Variants in CSMD1 observed in about 807,000 individuals in gnomAD.
CSMD1 encodes CUB and Sushi multiple domains 1.
In CSMD1, 213 loss-of-function variants were observed where a neutral mutation model predicts 417.5. That is an observed-to-expected ratio of 0.51 (90% CI 0.46 to 0.57). The LOEUF (loss-of-function observed/expected upper bound fraction) is 0.57. CSMD1 is among the 20% of genes least tolerant of loss of function. CSMD1 has a pLI of 0.00. For synonymous variants in CSMD1, 2,862 were observed against 1,736.8 expected (o/e 1.65, Z -16.11); for missense variants, 6,923 against 4,529.7 (o/e 1.53, Z -15.17).
chr8:4,988,367 G>C (rs1031221426), intron 1 of CSMD1, among the ~76,000 whole-genome samples: 1 of 152,144 alleles, frequency 6.6e-6, no homozygotes, highest in Non-Finnish European at 1.5e-5. Context: ...CTTTTACCAA[G>C]CTAAAACTAG....
intron 10 of CSMD1, among the ~76,000 whole-genome samples, chr8:3,538,505 C>G (rs916454981): frequency 6.6e-6 from 1 of 152,200 alleles, no homozygotes. Flanking sequence ...TGCGATGCCT[C>G]ACCTGAGATG....
chr8:4,257,617 T>C (rs1423612963), intron 3 of CSMD1, among the ~76,000 whole-genome samples: 1 of 152,196 alleles, frequency 6.6e-6, no homozygotes. Context: ...TGGTGAAAAG[T>C]TTGTCCTACT....
At chr8:4,727,705 G>C (rs897755297) in intron 1 of CSMD1, among the ~76,000 whole-genome samples, 2 of 151,944 alleles carry the variant, frequency 1.3e-5, no homozygotes, top group Non-Finnish European at 2.9e-5. Context: ...GCAAATTCCT[G>C]TGTTCTGCCA....
intron 1 of CSMD1, among the ~76,000 whole-genome samples, chr8:4,801,979 A>G (rs1295056205): frequency 3.3e-5 from 5 of 152,176 alleles, no homozygotes; most frequent in Non-Finnish European, 7.3e-5. Context: ...TACTGCATCC[A>G]TCATTGAAGC....
intron 2 of CSMD1, among the ~76,000 whole-genome samples, chr8:4,447,211 T>C (rs1490291697): frequency 6.6e-6 from 1 of 152,224 alleles, no homozygotes; most frequent in African/African-American, 2.4e-5. Flanking sequence ...GGAAAACAAA[T>C]ATACATGACA....
intron 18 of CSMD1, among the ~76,000 whole-genome samples, chr8:3,383,755 A>G (rs1177388931): frequency 1.3e-5 from 2 of 152,200 alleles, no homozygotes; most frequent in Non-Finnish European, 2.9e-5. Flanking sequence ...GGAAGCAAAG[A>G]AAGAGATGCT....
intron 1 of CSMD1, among the ~76,000 whole-genome samples, chr8:4,671,007 G>A (rs1162730885): frequency 1.3e-5 from 2 of 152,186 alleles, no homozygotes; most frequent in Non-Finnish European, 2.9e-5. Flanking sequence ...CCTTAAGCTT[G>A]CCTACATTGG....
chr8:3,991,666 G>C (rs1814761258), intron 5 of CSMD1, among the ~76,000 whole-genome samples: 1 of 152,160 alleles, frequency 6.6e-6, no homozygotes, highest in Admixed American at 6.5e-5. Context: ...TAAGGCAGAA[G>C]GTTGCTGAAG....
intron 1 of CSMD1, among the ~76,000 whole-genome samples, chr8:4,745,617 A>C (rs1273369255): frequency 1.3e-5 from 2 of 152,084 alleles, no homozygotes; most frequent in African/African-American, 4.8e-5. Context: ...AGGGAGAAGT[A>C]GAATGTAGAG....
intron 1 of CSMD1, among the ~76,000 whole-genome samples, chr8:4,755,324 C>A (rs1185655172): frequency 1.3e-5 from 2 of 152,262 alleles, no homozygotes; most frequent in Admixed American, 6.5e-5. Context: ...ATCTTATGTT[C>A]ACTTTTCCTT....
intron 5 of CSMD1, among the ~76,000 whole-genome samples, chr8:3,758,122 C>A (rs968415833): frequency 3.9e-5 from 6 of 152,056 alleles, no homozygotes; most frequent in African/African-American, 1.4e-4. Flanking sequence ...GGCCACCACA[C>A]CTGGCTAATT....
chr8:3,882,418 G>T (rs558552667), intron 5 of CSMD1, among the ~76,000 whole-genome samples: 1 of 152,148 alleles, frequency 6.6e-6, no homozygotes, highest in Non-Finnish European at 1.5e-5. Context: ...CCAAATGTTG[G>T]TTATGTGGAG....
At chr8:3,129,322 C>T (rs1266767731) in intron 41 of CSMD1, among the ~76,000 whole-genome samples, 2 of 152,186 alleles carry the variant, frequency 1.3e-5, no homozygotes, top group Admixed American at 6.5e-5. Context: ...ATTGTCTGAC[C>T]TGTGCTCTAG....
intron 1 of CSMD1, among the ~76,000 whole-genome samples, chr8:4,884,302 A>C (rs1356013342): frequency 6.6e-6 from 1 of 151,852 alleles, no homozygotes; most frequent in Non-Finnish European, 1.5e-5. Flanking sequence ...TGATTCGCCC[A>C]ATTTATCTCC....
chr8:4,259,395 A>T (rs1803715984), intron 3 of CSMD1, among the ~76,000 whole-genome samples: 1 of 152,180 alleles, frequency 6.6e-6, no homozygotes, highest in African/African-American at 2.4e-5. Flanking sequence ...AGGAGCTCCC[A>T]AACTAGCTTC....
At chr8:3,475,153 T>C (rs966950491) in intron 11 of CSMD1, among the ~76,000 whole-genome samples, 4 of 151,838 alleles carry the variant, frequency 2.6e-5, no homozygotes, top group Admixed American at 6.6e-5. Context: ...CTCTGAGGAT[T>C]CTCGCTGGGC....
chr8:3,858,261 A>G (rs894444363), intron 5 of CSMD1, among the ~76,000 whole-genome samples: 1 of 152,196 alleles, frequency 6.6e-6, no homozygotes, highest in Admixed American at 6.6e-5. Flanking sequence ...AAGTCCACAG[A>G]ATGAGGATGG....
intron 5 of CSMD1, among the ~76,000 whole-genome samples, chr8:3,921,796 G>A (rs1282334745): frequency 2.0e-5 from 3 of 152,006 alleles, no homozygotes; most frequent in Non-Finnish European, 2.9e-5. Flanking sequence ...TTGTTTTATG[G>A]CCTAACATAT....
At chr8:3,451,905 G>A (rs999218079) in intron 12 of CSMD1, among the ~76,000 whole-genome samples, 3 of 152,136 alleles carry the variant, frequency 2.0e-5, no homozygotes, top group Admixed American at 6.5e-5. Flanking sequence ...ATTACCTTGG[G>A]CAGTATGGCC....
Sources: gnomAD v4.1 joint callset for allele counts (sites outside exome capture counted in the v4.1 genomes callset) on GRCh38, gnomAD v4.1.1 for gene constraint, MANE v1.5 for transcripts, NCBI Gene and HGNC (gene_info 2026-07-23, HGNC 2026-07-21) for gene names.